The following RPS6KA2 variants were observed in gnomAD, a reference collection of about 807,000 sequenced individuals.
RPS6KA2 encodes ribosomal protein S6 kinase A2.
A neutral mutation model predicts 91.8 loss-of-function variants in RPS6KA2; 42 were observed. That is an observed-to-expected ratio of 0.46 (90% CI 0.36 to 0.59). The LOEUF (loss-of-function observed/expected upper bound fraction) is 0.59, where lower values mean the gene tolerates loss of function less well. Among genes scored for constraint, RPS6KA2 ranks in the 20% least tolerant of loss-of-function variants. The pLI is 0.00. For synonymous variants in RPS6KA2, 414 were observed against 393.6 expected (o/e 1.05, Z -0.61); for missense variants, 798 against 978.5 (o/e 0.82, Z 2.46).
intron 10 of RPS6KA2, among the ~76,000 whole-genome samples, chr6:166,476,905 C>T (rs945559302): frequency 2.6e-5 from 4 of 152,088 alleles, no homozygotes; most frequent in African/African-American, 4.8e-5. Context: ...CATATCCATG[C>T]GAGGGCCCAG....
intron 2 of RPS6KA2, among the ~76,000 whole-genome samples, chr6:166,766,857 T>G (rs974575188): frequency 6.6e-6 from 1 of 152,228 alleles, no homozygotes; most frequent in Non-Finnish European, 1.5e-5. Flanking sequence ...GTATTTCCTT[T>G]TGCTGCCACC....
At chr6:166,545,615 G>A (rs1407281577) in intron 1 of RPS6KA2, among the ~76,000 whole-genome samples, 1 of 151,594 alleles carries the variant, frequency 6.6e-6, no homozygotes, top group Non-Finnish European at 1.5e-5. Flanking sequence ...TCCCCACCCC[G>A]TCCCTGTTCA....
At chr6:166,487,513 C>T (rs960936073) in intron 10 of RPS6KA2, among the ~76,000 whole-genome samples, 3 of 152,014 alleles carry the variant, frequency 2.0e-5, no homozygotes, top group Non-Finnish European at 2.9e-5. Flanking sequence ...GGGTTATCAC[C>T]GAGAGGTCTG....
chr6:166,804,566 C>T (rs544733546), intron 2 of RPS6KA2, among the ~76,000 whole-genome samples: 2 of 151,542 alleles, frequency 1.3e-5, no homozygotes, highest in East Asian at 1.9e-4. Flanking sequence ...TAACAGCCCA[C>T]AAACCCATAA....
chr6:166,729,270 C>T (rs866170078), intron 2 of RPS6KA2, among the ~76,000 whole-genome samples: 7 of 152,228 alleles, frequency 4.6e-5, no homozygotes, highest in South Asian at 2.1e-4. Context: ...GTGCAGGGAA[C>T]GCACACTGCC....
chr6:166,640,530 C>T (rs1421948673), intron 2 of RPS6KA2, among the ~76,000 whole-genome samples: 2 of 152,174 alleles, frequency 1.3e-5, no homozygotes, highest in African/African-American at 2.4e-5. Context: ...CAGCACCGCC[C>T]TTCCCTGCTC....
intron 2 of RPS6KA2, among the ~76,000 whole-genome samples, chr6:166,680,960 G>C (rs937231269): frequency 6.6e-6 from 1 of 152,234 alleles, no homozygotes; most frequent in Non-Finnish European, 1.5e-5. Flanking sequence ...GGAAAGGCCT[G>C]TGAGGGACCT....
rs550578778 is a variant in RPS6KA2, at chr6:166,518,441, AT to A, written c.299-8085del. Among the ~76,000 whole-genome samples, 885 of 152,266 alleles carry A rather than the reference AT, an allele frequency of 5.8e-3. 10 individuals carry two copies. The highest frequency in any genetic ancestry group is 0.048 in the Middle Eastern group (14 of 294). On this transcript the variant is annotated intron_variant, in intron 3 of 20. Coordinates refer to ENST00000265678, the MANE Select transcript of RPS6KA2 (RefSeq NM_021135.6). The stretch of plus-strand genomic sequence containing the variant: ...ATAAAATTAAAAGGCAAACAAAAAA[AT>A]ATGATTATCTTAAACAAGCAGAAAA...
chr6:166,462,885 G>A (rs937126539), intron 11 of RPS6KA2: 1 of 152,366 alleles, frequency 6.6e-6, no homozygotes, highest in Non-Finnish European at 1.5e-5. Context: ...TGTGCCGCGG[G>A]AGCCTTCAGG....
At chr6:166,663,883 T>C (rs1394948202) in intron 2 of RPS6KA2, among the ~76,000 whole-genome samples, 1 of 152,194 alleles carries the variant, frequency 6.6e-6, no homozygotes, top group African/African-American at 2.4e-5. Flanking sequence ...TGAGGGTAAA[T>C]GGCAAGACCT....
intron 2 of RPS6KA2, chr6:166,702,910 G>C (rs1789568483): frequency 1.5e-6 from 1 of 681,250 alleles, no homozygotes; most frequent in South Asian, 1.8e-5. Flanking sequence ...GTGATGGATG[G>C]ATCCAGCTGG....
intron 2 of RPS6KA2, among the ~76,000 whole-genome samples, chr6:166,734,314 G>C (rs1026807486): frequency 1.3e-5 from 2 of 152,130 alleles, no homozygotes; most frequent in African/African-American, 4.8e-5. Flanking sequence ...TGTTGACATC[G>C]ACCCTTTGGA....
chr6:166,488,057 C>T (rs942995212), intron 10 of RPS6KA2, among the ~76,000 whole-genome samples: 2 of 141,470 alleles, frequency 1.4e-5, no homozygotes, highest in African/African-American at 4.9e-5. Flanking sequence ...GCCTTCCCCT[C>T]TGGTATGTCT....
Position 166,563,348 on chromosome 6 carries a change from G to T in RPS6KA2, c.100-24564C>A, listed in dbSNP as rs935793529. Among the ~76,000 whole-genome samples the T allele has an allele frequency of 1.3e-5, 2 of 152,204 alleles. No homozygotes were observed. On this transcript the variant is annotated intron_variant, in intron 1 of 20. Coordinates refer to ENST00000265678, the MANE Select transcript of RPS6KA2 (RefSeq NM_021135.6). The surrounding 1 kb of genome is among the most constrained non-coding windows in gnomAD (Gnocchi z 4.1). ...AATCAGCCTCTGTTCCTTCTTTTCC[G>T]CAGCTCACCTGTTCCCGGCTTTTCC... is the stretch of plus-strand genomic sequence containing the variant.
intron 19 of RPS6KA2, among the ~76,000 whole-genome samples, chr6:166,415,761 C>T (rs1016598948): frequency 3.3e-5 from 5 of 152,096 alleles, no homozygotes; most frequent in Non-Finnish European, 5.9e-5. Context: ...TGGACAGGAG[C>T]ATTTGGACTG....
intron 2 of RPS6KA2, chr6:166,701,873 A>C (rs1166610988): frequency 2.1e-6 from 2 of 946,398 alleles, no homozygotes; most frequent in Admixed American, 3.7e-5. Context: ...ATTATACTGC[A>C]TCAGTTCCTG....
At chr6:166,667,005 A>C (rs760448956) in intron 2 of RPS6KA2, among the ~76,000 whole-genome samples, 1 of 152,220 alleles carries the variant, frequency 6.6e-6, no homozygotes, top group Non-Finnish European at 1.5e-5. Context: ...CAAAAAGACA[A>C]ATACTGTATG....
intron 2 of RPS6KA2, among the ~76,000 whole-genome samples, chr6:166,789,439 G>C (rs1336366519): frequency 1.3e-5 from 2 of 152,238 alleles, no homozygotes; most frequent in African/African-American, 2.4e-5. Flanking sequence ...TCTGGGGGCA[G>C]GGCACAGACA....
At chr6:166,655,469 C>T (rs540113422) in intron 2 of RPS6KA2, among the ~76,000 whole-genome samples, 15 of 152,344 alleles carry the variant, frequency 9.8e-5, no homozygotes, top group African/African-American at 1.9e-4. Flanking sequence ...CTGGGAACCA[C>T]GTGTATCTCC....
Sources: allele counts gnomAD v4.1 joint callset (sites outside exome capture counted in the v4.1 genomes callset), GRCh38; gene constraint gnomAD v4.1.1; non-coding constraint Gnocchi (gnomAD v3.1); transcripts MANE v1.5; gene names NCBI Gene and HGNC (gene_info 2026-07-23, HGNC 2026-07-21).